STEAP1B: variants seen among roughly 807,000 people sequenced by gnomAD.
STEAP1B encodes STEAP family protein MGC87042.
Under a neutral mutation model 27.9 loss-of-function variants are expected in STEAP1B, and 13 were observed. The ratio of observed to expected loss-of-function variants is 0.47; its 90% confidence interval spans 0.30 to 0.74. The LOEUF is 0.74. Among genes scored for constraint, STEAP1B ranks in the 30% least tolerant of loss-of-function variants. STEAP1B has a pLI of 0.06. For synonymous variants in STEAP1B, 86 were observed against 107.1 expected (o/e 0.80, Z 1.22); for missense variants, 250 against 298.7 (o/e 0.84, Z 1.20).
At chr7:22,435,771 G>A (rs528800306) in intron 4 of STEAP1B, among the ~76,000 whole-genome samples, 1 of 152,328 alleles carries the variant, frequency 6.6e-6, no homozygotes, top group South Asian at 2.1e-4. Flanking sequence ...AGCGTAGGTT[G>A]CTCTCACCTG....
At chr7:22,435,729 G>C (rs1005476066) in intron 4 of STEAP1B, among the ~76,000 whole-genome samples, 2 of 152,174 alleles carry the variant, frequency 1.3e-5, no homozygotes, top group South Asian at 2.1e-4. Flanking sequence ...TGCACGATAC[G>C]CACCGTGGGC....
intron 4 of STEAP1B, among the ~76,000 whole-genome samples, chr7:22,474,689 TC>T (rs749390123): frequency 1.3e-5 from 2 of 152,208 alleles, no homozygotes; most frequent in African/African-American, 2.4e-5. Flanking sequence ...GGGCTCAAGT[TC>T]CTGTAGCCAT....
chr7:22,493,748 G>A lies in STEAP1B; in HGVS notation c.173C>T (p.Pro58Leu). Residue 58 changes from proline (P) to leucine (L), a missense_variant, in exon 3 of 5, where the codon CCT becomes CTT. By Grantham distance (98) the Pro-to-Leu change is moderately conservative (BLOSUM62 -3). Coordinates refer to ENST00000678116, the MANE Select transcript of STEAP1B (RefSeq NM_001382447.1). ...TTCCTGTGCGTGCTGAAGTTCTGAA[G>A]GGCAGTCAAATTCATCAGCATGGGC... Reference protein sequence around the residue: ...QTAHADEFDCPSELQHAQELF... With the variant: ...QTAHADEFDCLSELQHAQELF... 1 of 1,613,862 alleles carries A rather than the reference G, an allele frequency of 6.2e-7. No homozygotes were observed. Among genetic ancestry groups the A allele is most frequent in the Non-Finnish European group, 8.5e-7 (1 of 1,179,822 alleles).
chr7:22,485,550 A>G (rs756833173), intron 4 of STEAP1B, among the ~76,000 whole-genome samples: 2 of 152,184 alleles, frequency 1.3e-5, no homozygotes, highest in African/African-American at 2.4e-5. Context: ...GTGCAGTGGC[A>G]TGATCATAGC....
At chr7:22,473,318 G>C (rs1222175453) in intron 4 of STEAP1B, among the ~76,000 whole-genome samples, 6 of 152,198 alleles carry the variant, frequency 3.9e-5, no homozygotes, top group Non-Finnish European at 7.3e-5. Context: ...CAGAAAACCA[G>C]AGAACATATC....
intron 4 of STEAP1B, among the ~76,000 whole-genome samples, chr7:22,454,351 C>T (rs1028650222): frequency 6.6e-6 from 1 of 151,832 alleles, no homozygotes; most frequent in Admixed American, 6.6e-5. Context: ...CATTGTTCGC[C>T]GAATAATAGA....
intron 1 of STEAP1B, among the ~76,000 whole-genome samples, chr7:22,498,010 T>C (rs1399940740): frequency 6.6e-6 from 1 of 152,110 alleles, no homozygotes; most frequent in East Asian, 1.9e-4. Flanking sequence ...TAGATTCTCA[T>C]AAGGAGCACA....
chr7:22,460,357 G>A (rs1404946390), intron 4 of STEAP1B, among the ~76,000 whole-genome samples: 1 of 150,886 alleles, frequency 6.6e-6, no homozygotes, highest in Non-Finnish European at 1.5e-5. Flanking sequence ...AAAAAGGAGA[G>A]AAGGAAGTCT....
At chr7:22,456,624 TTGA>T (rs1785582387) in intron 4 of STEAP1B, among the ~76,000 whole-genome samples, 1 of 152,092 alleles carries the variant, frequency 6.6e-6, no homozygotes, top group Non-Finnish European at 1.5e-5. Flanking sequence ...GATGTTGGTG[TTGA>T]TGATAGATAA....
chr7:22,476,410 T>A (rs1054881277), intron 4 of STEAP1B, among the ~76,000 whole-genome samples: 1 of 152,134 alleles, frequency 6.6e-6, no homozygotes, highest in African/African-American at 2.4e-5. Context: ...CCAGGGGTGG[T>A]GGGCTGGACA....
At chr7:22,478,415 C>A (rs1022872378) in intron 4 of STEAP1B, among the ~76,000 whole-genome samples, 1 of 152,198 alleles carries the variant, frequency 6.6e-6, no homozygotes, top group Non-Finnish European at 1.5e-5. Context: ...CTGCTCTAAT[C>A]GTAATGTTCT....
intron 4 of STEAP1B, among the ~76,000 whole-genome samples, chr7:22,461,268 CTTT>C (rs1785674301): frequency 6.6e-6 from 1 of 152,044 alleles, no homozygotes; most frequent in Admixed American, 6.6e-5. Flanking sequence ...GGAACTTTTT[CTTT>C]TTTTCTTTTG....
intron 4 of STEAP1B, among the ~76,000 whole-genome samples, chr7:22,440,184 G>A (rs1353023063): frequency 6.6e-6 from 1 of 152,112 alleles, no homozygotes; most frequent in Non-Finnish European, 1.5e-5. Context: ...GTTTCTACCA[G>A]ATCGAGGGGG....
intron 4 of STEAP1B, among the ~76,000 whole-genome samples, chr7:22,449,534 T>C (rs756875451): frequency 6.6e-6 from 1 of 152,348 alleles, no homozygotes; most frequent in Admixed American, 6.5e-5. Context: ...ATTTTATCCA[T>C]TCATCTGTTG....
chr7:22,464,210 T>C (rs191364726), intron 4 of STEAP1B, among the ~76,000 whole-genome samples: 1 of 152,292 alleles, frequency 6.6e-6, no homozygotes, highest in Admixed American at 6.5e-5. Flanking sequence ...CGCAATGCCA[T>C]TAGGAAGATT....
At chr7:22,495,764 T>C (rs1478678348) in intron 1 of STEAP1B, among the ~76,000 whole-genome samples, 2 of 152,118 alleles carry the variant, frequency 1.3e-5, no homozygotes, top group East Asian at 3.8e-4. Flanking sequence ...TGTAGTACTT[T>C]TTTAGGTGGA....
intron 4 of STEAP1B, among the ~76,000 whole-genome samples, chr7:22,462,146 G>T (rs1785688925): frequency 6.6e-6 from 1 of 151,898 alleles, no homozygotes; most frequent in African/African-American, 2.4e-5. Context: ...AGTTTTGATG[G>T]GTTTTTACTC....
At chr7:22,468,251 A>T (rs1785820020) in intron 4 of STEAP1B, among the ~76,000 whole-genome samples, 1 of 152,190 alleles carries the variant, frequency 6.6e-6, no homozygotes, top group East Asian at 1.9e-4. Context: ...TATCTGACAA[A>T]CCTATTCTGA....
intron 4 of STEAP1B, among the ~76,000 whole-genome samples, chr7:22,451,165 C>T (rs553519235): frequency 4.0e-4 from 60 of 151,056 alleles, no homozygotes; most frequent in African/African-American, 1.4e-3. Flanking sequence ...TCACTGTACT[C>T]CAGCATGGGC....
Sources: gnomAD v4.1 joint callset for allele counts (sites outside exome capture counted in the v4.1 genomes callset) on GRCh38, gnomAD v4.1.1 for gene constraint, MANE v1.5 for transcripts, NCBI Gene and HGNC (gene_info 2026-07-23, HGNC 2026-07-21) for gene names.